The following CYFIP1 variants were observed in gnomAD, a reference collection of about 807,000 sequenced individuals.
CYFIP1 encodes the protein cytoplasmic FMR1 interacting protein 1, also known as cytoplasmic FMR1-interacting protein 1.
In CYFIP1, 58 loss-of-function variants were observed where a neutral mutation model predicts 163.5. That is an observed-to-expected ratio of 0.35 (90% CI 0.29 to 0.44). The LOEUF is 0.44. Ranked by LOEUF, CYFIP1 falls within the 20% of genes least tolerant of loss-of-function variation. CYFIP1 has a pLI of 1.00. For synonymous variants in CYFIP1, 663 were observed against 660.7 expected (o/e 1.00, Z -0.05); for missense variants, 1,338 against 1,653.8 (o/e 0.81, Z 3.31).
At chr15:22,887,784 G>A (rs1430247034) in intron 23 of CYFIP1, among the ~76,000 whole-genome samples, 1 of 152,180 alleles carries the variant, frequency 6.6e-6, no homozygotes, top group Non-Finnish European at 1.5e-5. Context: ...CAAACACTGT[G>A]CTGTAAAAGA....
intron 23 of CYFIP1, among the ~76,000 whole-genome samples, chr15:22,889,632 C>A (rs1245095102): frequency 6.6e-6 from 1 of 152,154 alleles, no homozygotes; most frequent in East Asian, 1.9e-4. Context: ...CGCCTGCCTA[C>A]CCCCCGCCTG....
chr15:22,966,070 C>G (rs903217594), intron 1 of CYFIP1, among the ~76,000 whole-genome samples: 2 of 151,914 alleles, frequency 1.3e-5, no homozygotes, highest in African/African-American at 4.8e-5. Context: ...GAGATTAGGT[C>G]GGGTGCAGTG....
rs7169822 is a variant in CYFIP1, at chr15:22,904,137, T to C, written c.2389-232A>G. On this transcript the variant is annotated intron_variant, in intron 21 of 30. Transcript: ENST00000617928. ...CCACTGCAGTCACCTCCACGCCACC[T>C]ACCCCTGCTGTCCAGCACCCTGTGG... is the stretch of plus-strand genomic sequence containing the variant. 6.5e-4 allele frequency: 380 copies of C among 583,098 alleles called. No homozygotes were observed. In the Middle Eastern group the frequency reaches 0.012, roughly 19 times the overall value. 36.1% of individuals were successfully genotyped at this position (583,098 alleles called of 1,614,324 possible). A position where few individuals can be genotyped will look rare whatever the true frequency, so the allele number is the denominator to read the frequency against.
intron 30 of CYFIP1, among the ~76,000 whole-genome samples, chr15:22,871,623 A>G (rs1461267082): frequency 6.6e-6 from 1 of 152,120 alleles, no homozygotes; most frequent in Non-Finnish European, 1.5e-5. Context: ...TAGAACAGGG[A>G]GAGTATCTGG....
intron 22 of CYFIP1, among the ~76,000 whole-genome samples, chr15:22,896,291 G>C (rs148317428): frequency 6.6e-6 from 1 of 152,238 alleles, no homozygotes; most frequent in Non-Finnish European, 1.5e-5. Context: ...CCTGGTCAGT[G>C]CTAGGCCCAA....
intron 23 of CYFIP1, among the ~76,000 whole-genome samples, chr15:22,890,902 T>C (rs1175601532): frequency 6.6e-6 from 1 of 152,100 alleles, no homozygotes; most frequent in African/African-American, 2.4e-5. Flanking sequence ...AATGAGCCTG[T>C]CCCATGTTCT....
rs1234165194 is a variant in CYFIP1, at chr15:22,867,912, A to T, written c.*2116T>A. 2 of 152,248 alleles carry T rather than the reference A, an allele frequency of 1.3e-5. No individual in the cohort carries two copies. The highest frequency in any genetic ancestry group is 2.9e-5 in the Non-Finnish European group (2 of 68,042). 9.4% of individuals were successfully genotyped at this position (152,248 alleles called of 1,614,324 possible). ...TGCAGAAAAGGTAGAATAATAAAAA[A>T]GGTCTAATGAACTCCATTCAGCTTT... On this transcript the variant is annotated 3_prime_UTR_variant, in exon 31 of 31. Transcript: ENST00000617928.
Position 22,947,103 on chromosome 15 carries a change from G to A in CYFIP1, c.118-11C>T. 3 of 1,614,128 alleles carry A rather than the reference G, an allele frequency of 1.9e-6. No individual in the cohort carries two copies. Among genetic ancestry groups the A allele is most frequent in the Non-Finnish European group, 2.5e-6 (3 of 1,179,970 alleles). ...AGTGTTGAAATTTGGCTGAAGGAAAGGAAGAGAAAAACATCATGTGGGGTC... is the reference window on the plus strand; with the variant it reads ...AGTGTTGAAATTTGGCTGAAGGAAAAGAAGAGAAAAACATCATGTGGGGTC... On this transcript the variant is annotated splice_polypyrimidine_tract_variant and intron_variant, in intron 2 of 30. Transcript: ENST00000617928.
At chr15:22,945,384 C>CG (rs1815108210) in intron 3 of CYFIP1, among the ~76,000 whole-genome samples, 1 of 152,114 alleles carries the variant, frequency 6.6e-6, no homozygotes, top group South Asian at 2.1e-4. Context: ...CTGCCAGCCC[C>CG]GGGTGTGCAG....
At chr15:22,875,076 G>A (rs1006783442) in intron 27 of CYFIP1, 123 bp downstream of exon 27, 2 of 820,022 alleles carry the variant, frequency 2.4e-6, no homozygotes, top group African/African-American at 1.7e-5. Context: ...ATTACCCCTG[G>A]GTATGACTGA....
intron 1 of CYFIP1, among the ~76,000 whole-genome samples, chr15:22,965,870 G>C (rs1193687985): frequency 1.3e-5 from 2 of 152,186 alleles, no homozygotes; most frequent in African/African-American, 4.8e-5. Flanking sequence ...GATCAAAGGC[G>C]ATAATGAAGA....
At chr15:22,929,346 G>C (rs976366868) in intron 11 of CYFIP1, among the ~76,000 whole-genome samples, 2 of 152,026 alleles carry the variant, frequency 1.3e-5, no homozygotes, top group East Asian at 3.9e-4. Flanking sequence ...TTTAAGACTA[G>C]ATTATGACCG....
intron 23 of CYFIP1, among the ~76,000 whole-genome samples, chr15:22,887,338 G>C (rs933792013): frequency 3.3e-5 from 5 of 151,980 alleles, no homozygotes; most frequent in African/African-American, 1.2e-4. Flanking sequence ...CCTGCGGCCC[G>C]CTGCAACCTT....
At chr15:22,918,909 C>A in intron 13 of CYFIP1, 51 bp from the exon 14 acceptor site, 2 of 1,431,556 alleles carry the variant, frequency 1.4e-6, no homozygotes, top group Non-Finnish European at 1.9e-6. Flanking sequence ...TGGCACCAAG[C>A]CTCCTCTGCC....
chr15:22,919,595 C>G (rs1419444357), intron 13 of CYFIP1, among the ~76,000 whole-genome samples: 1 of 152,182 alleles, frequency 6.6e-6, no homozygotes, highest in Non-Finnish European at 1.5e-5. Context: ...CCAAGTCCAC[C>G]CTGCCGTGTG....
chr15:22,954,155 G>C (rs1411106582), intron 1 of CYFIP1, among the ~76,000 whole-genome samples: 2 of 152,160 alleles, frequency 1.3e-5, no homozygotes, highest in East Asian at 3.9e-4. Flanking sequence ...CTTGGGGCCT[G>C]ATCAGAGCAG....
At chr15:22,966,166 T>C (rs1646786662) in intron 1 of CYFIP1, among the ~76,000 whole-genome samples, 1 of 150,644 alleles carries the variant, frequency 6.6e-6, no homozygotes, top group Non-Finnish European at 1.5e-5. Flanking sequence ...CTGACCAACA[T>C]GGAGAAACCC....
chr15:22,905,995 G>A (rs1254555731), intron 21 of CYFIP1, among the ~76,000 whole-genome samples: 3 of 151,952 alleles, frequency 2.0e-5, no homozygotes, highest in Non-Finnish European at 2.9e-5. Context: ...TCCTGACCTC[G>A]TGATCTGCCT....
At chr15:22,979,410 A>C (rs1005794209) in intron 1 of CYFIP1, among the ~76,000 whole-genome samples, 13 of 151,898 alleles carry the variant, frequency 8.6e-5, no homozygotes, top group African/African-American at 1.5e-4. Context: ...ACTGCAAGAA[A>C]CACCACCGCT....
Sources: allele counts gnomAD v4.1 joint callset (sites outside exome capture counted in the v4.1 genomes callset), GRCh38; gene constraint gnomAD v4.1.1; transcripts MANE v1.5; gene names NCBI Gene and HGNC (gene_info 2026-07-23, HGNC 2026-07-21).